GGA2: variants seen among roughly 807,000 people sequenced by gnomAD.
GGA2 encodes golgi associated, gamma adaptin ear containing, ARF binding protein 2.
GGA2 carries 48 observed loss-of-function variants against 79.5 expected under a neutral mutation model. The ratio of observed to expected loss-of-function variants is 0.60; its 90% CI spans 0.48 to 0.77. The LOEUF (loss-of-function observed/expected upper bound fraction) is 0.77, where lower values mean the gene tolerates loss of function less well. GGA2 is among the 30% of genes least tolerant of loss of function. The probability of loss-of-function intolerance (pLI) is 0.00; values close to 1 mark genes in which losing one functional copy is unlikely to be tolerated. For synonymous variants in GGA2, 317 were observed against 302.0 expected, an observed-to-expected ratio of 1.05 and a Z score of -0.51; for missense variants, 770 against 774.0, an observed-to-expected ratio of 0.99 and a Z score of 0.06.
rs117216889 is a variant in GGA2, at chr16:23,505,551, C to T, written c.91+4770G>A. Among the ~76,000 whole-genome samples the T allele has an allele frequency of 8.3e-3, 1,266 of 152,324 alleles. 13 individuals are homozygous for T. The highest frequency in any genetic ancestry group is 0.014 in the Admixed American group (218 of 15,296). ...TGAATGACAGAATGCACAGGCGCTG[C>T]CGTTTGTACTTTTAAGGCATGAGAT... On this transcript the variant is annotated intron_variant, in intron 1 of 16. Coordinates refer to ENST00000309859, the MANE Select transcript of GGA2 (RefSeq NM_015044.4).
upstream of GGA2, chr16:23,522,663 C>T (rs1262742569): frequency 6.6e-6 from 1 of 152,124 alleles, no homozygotes; most frequent in African/African-American, 2.4e-5. Context: ...CCTTTCCACT[C>T]CCCTGGACAA....
rs1176238641 is a variant in GGA2, at chr16:23,474,945, G to C, written c.1409C>G (p.Pro470Arg). The change falls in exon 14 of 17, where the codon CCT becomes CGT. Residue 470 changes from proline (P) to arginine (R), a missense_variant. Pro to Arg is a moderately radical substitution (Grantham distance 103). Transcript: ENST00000309859. ...CAAAGGGACAAACACTTGAGCCAGAGGTGTATTCTGTGAAGATGGGGAAGG... is the reference window on the plus strand; with the variant it reads ...CAAAGGGACAAACACTTGAGCCAGACGTGTATTCTGTGAAGATGGGGAAGG... ...LAPSPSSQNTPLAQVFVPLES... is the reference protein window; with the variant it reads ...LAPSPSSQNTRLAQVFVPLES... 1 of 1,613,082 alleles carries C rather than the reference G, an allele frequency of 6.2e-7. No homozygotes were observed. Among genetic ancestry groups the C allele is most frequent in the African/African-American group, 1.3e-5 (1 of 74,856 alleles).
chr16:23,480,873 T>A (rs1418790250), intron 9 of GGA2, 103 bp from the exon 10 acceptor site: 38 of 1,140,442 alleles, frequency 3.3e-5, no homozygotes, highest in Non-Finnish European at 4.8e-5. Flanking sequence ...CTAGACTATG[T>A]TCAGTTTATC....
chr16:23,483,055 C>T (rs764361004), intron 8 of GGA2, 51 bp from the exon 9 acceptor site: 1 of 1,221,496 alleles, frequency 8.2e-7, no homozygotes, highest in Non-Finnish European at 1.2e-6. Flanking sequence ...CCCCATAACG[C>T]CCCCCTCCAG....
chr16:23,491,317 A>C (rs1367662385), intron 5 of GGA2, among the ~76,000 whole-genome samples: 1 of 151,380 alleles, frequency 6.6e-6, no homozygotes, highest in Non-Finnish European at 1.5e-5. Context: ...AAAAAAAAAA[A>C]AAAAAAAAAA....
chr16:23,513,640 C>T (rs1965086471), upstream of GGA2, among the ~76,000 whole-genome samples: 1 of 151,656 alleles, frequency 6.6e-6, no homozygotes, highest in Non-Finnish European at 1.5e-5. Context: ...CAAAAATTAG[C>T]TGGGTGTGCT....
intron 13 of GGA2, among the ~76,000 whole-genome samples, chr16:23,477,918 T>G (rs1382325146): frequency 6.6e-6 from 1 of 152,150 alleles, no homozygotes; most frequent in African/African-American, 2.4e-5. Context: ...CATGAGCCAC[T>G]GCACCTGGCC....
rs937659804 is a variant in GGA2, at chr16:23,488,615, T to C, written c.570A>G (p.Glu190=). Residue 190 remains glutamate, a synonymous_variant, in exon 6 of 17, where the codon GAA becomes GAG. Transcript: ENST00000309859. ...PKSSIFDADE[E]KSKLLTRLLK... is the part of the protein sequence containing the mutation. ...AGGTCTGTTTCCTTACCTTGGACTT[T>C]TCTTCATCAGCATCAAAGATGGAGC... is the stretch of plus-strand genomic sequence containing the variant. 1 of 1,593,338 alleles carries C rather than the reference T, an allele frequency of 6.3e-7. No homozygotes were observed. The highest frequency in any genetic ancestry group is 8.6e-7 in the Non-Finnish European group (1 of 1,161,138).
Position 23,510,310 on chromosome 16 carries a change from AG to A in GGA2, c.91+10del. 7.0e-7 allele frequency: 1 copy of A among 1,422,628 alleles called. No homozygotes were observed. The highest frequency in any genetic ancestry group is 9.2e-7 in the Non-Finnish European group (1 of 1,083,128). 88.1% of individuals were successfully genotyped at this position (1,422,628 alleles called of 1,614,324 possible). ...GCAGCGGCTGCGCCGAAGGCCTGCC[AG>A]GCTACTCACTGAGCCACAGCTCCAG... On this transcript the variant is annotated intron_variant, in intron 1 of 16. Transcript: ENST00000309859.
At chr16:23,480,549 A>C (rs1164884041) in intron 10 of GGA2, 96 bp downstream of exon 10, 1 of 1,065,424 alleles carries the variant, frequency 9.4e-7, no homozygotes, top group Non-Finnish European at 1.4e-6. Context: ...TCTCATTTCT[A>C]TTCCTTAACC....
At chr16:23,469,915 A>G (rs527674058) in intron 15 of GGA2, 81 bp downstream of exon 15, 6 of 1,040,528 alleles carry the variant, frequency 5.8e-6, no homozygotes, top group Middle Eastern at 2.2e-4. Context: ...TTTCCTTGAC[A>G]CTCGACAGGT....
At chr16:23,482,552 T>C (rs917580837) in intron 9 of GGA2, among the ~76,000 whole-genome samples, 2 of 152,154 alleles carry the variant, frequency 1.3e-5, no homozygotes, top group African/African-American at 2.4e-5. Flanking sequence ...TTAGTTGACC[T>C]ACCTGGCCCC....
chr16:23,486,984 GTTTTTT>G (rs35896041), intron 6 of GGA2, among the ~76,000 whole-genome samples, 194 bp from the exon 7 acceptor site: 1 of 133,198 alleles, frequency 7.5e-6, no homozygotes. Context: ...CTTTTCTGTT[GTTTTTT>G]TTTTTTTTTT....
intron 1 of GGA2, among the ~76,000 whole-genome samples, chr16:23,504,676 A>G (rs1354181060): frequency 6.6e-5 from 10 of 152,222 alleles, no homozygotes; most frequent in African/African-American, 2.4e-4. Flanking sequence ...ATCTGCTCCA[A>G]GGACTAGCTA....
chr16:23,497,070 A>C (rs2142136269), intron 1 of GGA2, among the ~76,000 whole-genome samples: 1 of 150,846 alleles, frequency 6.6e-6, no homozygotes, highest in South Asian at 2.1e-4. Context: ...ATGCCACTGC[A>C]CTCCAACCTG....
upstream of GGA2, among the ~76,000 whole-genome samples, chr16:23,514,310 G>A (rs1310520926): frequency 6.6e-6 from 1 of 152,030 alleles, no homozygotes; most frequent in Non-Finnish European, 1.5e-5. Context: ...ATTTCACCAT[G>A]TTGGCCAAGC....
intron 5 of GGA2, among the ~76,000 whole-genome samples, chr16:23,489,188 AC>A (rs1268042864): frequency 2.0e-5 from 3 of 152,116 alleles, no homozygotes; most frequent in Admixed American, 6.5e-5. Context: ...GGGAACTATC[AC>A]CCCCATCGTG....
intron 4 of GGA2, among the ~76,000 whole-genome samples, chr16:23,492,449 A>C (rs1281829773): frequency 6.6e-6 from 1 of 152,212 alleles, no homozygotes; most frequent in Non-Finnish European, 1.5e-5. Flanking sequence ...TGCTAGTTCA[A>C]GCCAGCAATG....
chr16:23,504,108 T>G (rs922990237), intron 1 of GGA2, among the ~76,000 whole-genome samples: 3 of 149,858 alleles, frequency 2.0e-5, no homozygotes, highest in Non-Finnish European at 4.4e-5. Flanking sequence ...GTACCTACTA[T>G]GGGTCAGATA....
Sources: gnomAD v4.1 joint callset for allele counts (sites outside exome capture counted in the v4.1 genomes callset) on GRCh38, gnomAD v4.1.1 for gene constraint, MANE v1.5 for transcripts, NCBI Gene and HGNC (gene_info 2026-07-23, HGNC 2026-07-21) for gene names.